Variants in SMAD1 observed in about 807,000 individuals in gnomAD.
The protein encoded by SMAD1 is SMAD family member 1, also known as MAD, mothers against decapentaplegic homolog 1.
A neutral mutation model predicts 41.6 loss-of-function variants in SMAD1; 6 were observed. The observed-to-expected ratio is 0.14, with a 90% CI of 0.08 to 0.28. The LOEUF (loss-of-function observed/expected upper bound fraction) is 0.28. SMAD1 is among the 10% of genes least tolerant of loss of function. SMAD1 has a pLI of 1.00. For missense variants in SMAD1, 379 were observed against 582.6 expected (o/e 0.65, Z 3.60); for synonymous variants, 206 against 203.2 (o/e 1.01, Z -0.12).
Position 145,519,651 on chromosome 4 carries a change from CA to C in SMAD1, c.400+4653del, listed in dbSNP as rs760849415. On this transcript the variant is annotated intron_variant, in intron 2 of 6. Coordinates refer to ENST00000302085, the MANE Select transcript of SMAD1 (RefSeq NM_005900.3). ...CCTGGGTAAGAGAGAGACTCTGTAT[CA>C]AAAAAAAAAAAAAACCCACTTTTTT... 7.5e-3 allele frequency among the ~76,000 whole-genome samples: 550 copies of C among 73,592 alleles called. 3 individuals are homozygous for C. Among genetic ancestry groups the C allele is most frequent in the East Asian group, 0.015 (55 of 3,588 alleles). The allele number at this position is 73,592 out of a possible 152,430, so 48.3% of individuals were successfully genotyped here. A position where few individuals can be genotyped will look rare whatever the true frequency, so the allele number is the denominator to read the frequency against.
chr4:145,491,545 T>C (rs997049582), intron 1 of SMAD1, among the ~76,000 whole-genome samples: 2 of 152,258 alleles, frequency 1.3e-5, no homozygotes, highest in African/African-American at 2.4e-5. Flanking sequence ...TATTTTGTTA[T>C]TCTTTGTATA....
At chr4:145,520,879 A>G (rs1229217835) in intron 2 of SMAD1, among the ~76,000 whole-genome samples, 3 of 152,230 alleles carry the variant, frequency 2.0e-5, no homozygotes, top group Non-Finnish European at 4.4e-5. Context: ...GTAGTGGGGA[A>G]AAACAAATTT....
intron 1 of SMAD1, among the ~76,000 whole-genome samples, chr4:145,488,123 T>TC (rs1728577374): frequency 6.6e-6 from 1 of 152,012 alleles, no homozygotes; most frequent in African/African-American, 2.4e-5. Context: ...AAAGGAACTT[T>TC]TTTTTTTTTA....
At chr4:145,515,811 TC>T (rs1420919756) in intron 2 of SMAD1, among the ~76,000 whole-genome samples, 1 of 152,182 alleles carries the variant, frequency 6.6e-6, no homozygotes, top group Non-Finnish European at 1.5e-5. Context: ...TGTTAATAGT[TC>T]CTGGGTTACT....
At chr4:145,508,343 T>C (rs1223911811) in intron 1 of SMAD1, among the ~76,000 whole-genome samples, 1 of 152,160 alleles carries the variant, frequency 6.6e-6, no homozygotes. Flanking sequence ...AAATTCTGGC[T>C]CTAGAGCCAG....
rs527960172 is a variant in SMAD1, at chr4:145,527,961, C to T, written c.401-11843C>T. Among the ~76,000 whole-genome samples, 545 of 151,774 alleles carry T rather than the reference C, an allele frequency of 3.6e-3. 3 individuals are homozygous for T. Among genetic ancestry groups the T allele is most frequent in the Non-Finnish European group, 4.5e-3 (303 of 67,862 alleles). On this transcript the variant is annotated intron_variant, in intron 2 of 6. Transcript: ENST00000302085. ...CTGCAACTTCCACCGCTCCCCGCCC[C>T]GGCCCCGGCCCTGGGTTCAAGTTAT...
chr4:145,546,238 T>C (rs1732244560), intron 4 of SMAD1: 1 of 167,646 alleles, frequency 6.0e-6, no homozygotes, highest in Non-Finnish European at 1.3e-5. Flanking sequence ...TAGGCATACT[T>C]AGTCTTTGCC....
intron 1 of SMAD1, among the ~76,000 whole-genome samples, chr4:145,490,187 G>A (rs547986497): frequency 6.6e-6 from 1 of 152,328 alleles, no homozygotes; most frequent in South Asian, 2.1e-4. Context: ...AGTGGACAGA[G>A]AGCAATTGGA....
At chr4:145,500,765 A>G (rs943625790) in intron 1 of SMAD1, among the ~76,000 whole-genome samples, 5 of 152,172 alleles carry the variant, frequency 3.3e-5, no homozygotes, top group Admixed American at 6.5e-5. Context: ...ACAGACAAAA[A>G]CTAGACTGTA....
rs1023755290 is a variant in SMAD1, at chr4:145,499,498, G to A, written c.-176-14940G>A. Among the ~76,000 whole-genome samples, 5 of 152,258 alleles carry A rather than the reference G, an allele frequency of 3.3e-5. No homozygotes were observed. The East Asian group carries it at 5.8e-4, about 18-fold the overall frequency. On this transcript the variant is annotated intron_variant, in intron 1 of 6. Transcript: ENST00000302085. ...TAGCCAGGCGAGATGGCACTTGCCC[G>A]TAGTCCCAGCTATTCAGGAGGCTGA...
At chr4:145,515,777 G>A (rs1270501177) in intron 2 of SMAD1, among the ~76,000 whole-genome samples, 2 of 152,122 alleles carry the variant, frequency 1.3e-5, no homozygotes, top group African/African-American at 4.8e-5. Flanking sequence ...TGTCGATTGG[G>A]ACCAATTTTG....
At chr4:145,522,473 G>A (rs1369986950) in intron 2 of SMAD1, among the ~76,000 whole-genome samples, 2 of 151,568 alleles carry the variant, frequency 1.3e-5, no homozygotes, top group Non-Finnish European at 2.9e-5. Context: ...GGTGGTGCAC[G>A]GCCTGTAATC....
chr4:145,499,785 C>T (rs1168971577), intron 1 of SMAD1, among the ~76,000 whole-genome samples: 1 of 152,096 alleles, frequency 6.6e-6, no homozygotes, highest in African/African-American at 2.4e-5. Flanking sequence ...CCAAGCATTT[C>T]AGATAAGGGA....
chr4:145,501,640 TC>T (rs1425112617), intron 1 of SMAD1, among the ~76,000 whole-genome samples: 2 of 139,014 alleles, frequency 1.4e-5, no homozygotes, highest in East Asian at 2.0e-4. Context: ...GATTTTTGTT[TC>T]TTTTTTTTTT....
At chr4:145,487,019 G>C (rs184514506) in intron 1 of SMAD1, among the ~76,000 whole-genome samples, 12 of 152,220 alleles carry the variant, frequency 7.9e-5, no homozygotes, top group Admixed American at 3.9e-4. Context: ...AACATTGTTT[G>C]AGCTAAGTAG....
At chr4:145,484,239 T>C (rs1408458683) in intron 1 of SMAD1, among the ~76,000 whole-genome samples, 1 of 152,156 alleles carries the variant, frequency 6.6e-6, no homozygotes, top group Non-Finnish European at 1.5e-5. Context: ...ATCTCATTTG[T>C]GTAGTCTTAC....
intron 1 of SMAD1, among the ~76,000 whole-genome samples, chr4:145,499,031 C>G (rs1729266411): frequency 2.0e-5 from 3 of 152,140 alleles, no homozygotes; most frequent in South Asian, 4.1e-4. Context: ...CTACCATCCT[C>G]TATAAAAAAC....
chr4:145,488,503 T>TGC (rs1553941975), intron 1 of SMAD1, among the ~76,000 whole-genome samples: 1 of 150,104 alleles, frequency 6.7e-6, no homozygotes, highest in Non-Finnish European at 1.5e-5. Flanking sequence ...TGTGTGTGTG[T>TGC]GGTTTCTTTG....
In SMAD1 at chr4:145,557,230, A is replaced by G. The variant is rs115575531; in HGVS notation, c.1255-561A>G. ...CCAAGCTACCTTCTTGTACAAATGA[A>G]TGATAGAATGTATTGATTCATGGCA... is the stretch of plus-strand genomic sequence containing the variant. On this transcript the variant is annotated intron_variant, in intron 6 of 6. Transcript: ENST00000302085. Among the ~76,000 whole-genome samples, 584 of 152,286 alleles carry G rather than the reference A, an allele frequency of 3.8e-3. 3 individuals carry two copies. The highest frequency in any genetic ancestry group is 0.013 in the African/African-American group (553 of 41,552).
Sources: gnomAD v4.1 joint callset for allele counts (sites outside exome capture counted in the v4.1 genomes callset) on GRCh38, gnomAD v4.1.1 for gene constraint, MANE v1.5 for transcripts, NCBI Gene and HGNC (gene_info 2026-07-23, HGNC 2026-07-21) for gene names.